The following NEK4 variants were observed in gnomAD, a reference collection of about 807,000 sequenced individuals.
NEK4 encodes the protein NIMA related kinase 4.
A neutral mutation model predicts 98.4 loss-of-function variants in NEK4; 86 were observed. That is an observed-to-expected ratio of 0.87 (90% CI 0.73 to 1.05). The LOEUF (loss-of-function observed/expected upper bound fraction) is 1.05, where lower values mean the gene tolerates loss of function less well. NEK4 is among the 50% of genes least tolerant of loss of function. The pLI is 0.00. For missense variants in NEK4, 898 were observed against 950.3 expected, an observed-to-expected ratio of 0.94 and a Z score of 0.72; for synonymous variants, 328 against 342.2, an observed-to-expected ratio of 0.96 and a Z score of 0.46.
chr3:52,743,464 GA>G lies in NEK4; in HGVS notation c.1895-4del. The G allele has an allele frequency of 6.2e-7, 1 of 1,612,274 alleles. No individual in the cohort carries two copies. ...AGACGCTTTCCTCACTGAAGGGCCTGAAAAGGCAAACATCCCCAGTAGTTGT... is the reference window on the plus strand; with the variant it reads ...AGACGCTTTCCTCACTGAAGGGCCTGAAAGGCAAACATCCCCAGTAGTTGT... On this transcript the variant is annotated splice_polypyrimidine_tract_variant and splice_region_variant and intron_variant, in intron 11 of 15. Coordinates refer to ENST00000233027, the MANE Select transcript of NEK4 (RefSeq NM_003157.6).
intron 5 of NEK4, among the ~76,000 whole-genome samples, chr3:52,761,440 G>A (rs184877715): frequency 7.2e-5 from 11 of 152,080 alleles, no homozygotes; most frequent in African/African-American, 1.9e-4. Flanking sequence ...CACCACGCCC[G>A]GCTAATTTTT....
In NEK4 at chr3:52,717,425, T is replaced by A. The variant is rs1007503746; in HGVS notation, c.2434-5556A>T. 2.2e-3 allele frequency among the ~76,000 whole-genome samples: 328 copies of A among 146,678 alleles called. 1 individual carries two copies. The highest frequency in any genetic ancestry group is 7.8e-3 in the African/African-American group (304 of 39,000). Reference sequence around the variant, plus strand: ...CCATCTCAAAAAAAAAAAAAAAAAATTATGGGGCCCCAAATCACCTCTTCC... The same window carrying A: ...CCATCTCAAAAAAAAAAAAAAAAAAATATGGGGCCCCAAATCACCTCTTCC... On this transcript the variant is annotated intron_variant, in intron 15 of 15. Coordinates refer to ENST00000233027, the MANE Select transcript of NEK4 (RefSeq NM_003157.6).
chr3:52,769,370 A>T (rs1698697912), intron 1 of NEK4, among the ~76,000 whole-genome samples: 1 of 152,232 alleles, frequency 6.6e-6, no homozygotes, highest in Non-Finnish European at 1.5e-5. Flanking sequence ...CCATAAGTTT[A>T]ATAGTCACTG....
At chr3:52,755,608 C>T (rs560991230) in intron 6 of NEK4, among the ~76,000 whole-genome samples, 6 of 152,132 alleles carry the variant, frequency 3.9e-5, no homozygotes, top group Admixed American at 3.3e-4. Context: ...AGACTGAAAG[C>T]TTTTCCTCTA....
At chr3:52,734,926 G>C in intron 15 of NEK4, 1 of 221,608 alleles carries the variant, frequency 4.5e-6, no homozygotes, top group Non-Finnish European at 9.1e-6. Context: ...AAGGGGTAAT[G>C]GAAACATTCT....
In NEK4 at chr3:52,765,360, A is replaced by C. The variant is rs368329907; in HGVS notation, c.666+527T>G. Among the ~76,000 whole-genome samples the C allele has an allele frequency of 8.2e-4, 124 of 152,076 alleles. 2 individuals carry two copies. The highest frequency in any genetic ancestry group is 2.9e-3 in the African/African-American group (121 of 41,520). ...GAGCAAAACTCCATCTCAAAAAAAA[A>C]AAAACAAAAAAAAAAACCTTAATGA... On this transcript the variant is annotated intron_variant, in intron 4 of 15. Coordinates refer to ENST00000233027, the MANE Select transcript of NEK4 (RefSeq NM_003157.6).
At chr3:52,750,233 T>C (rs933594283) in intron 7 of NEK4, among the ~76,000 whole-genome samples, 1 of 152,086 alleles carries the variant, frequency 6.6e-6, no homozygotes. Context: ...CAAATGTACA[T>C]CAACTGATGA....
intron 6 of NEK4, among the ~76,000 whole-genome samples, chr3:52,758,943 A>G (rs1445087629): frequency 6.6e-6 from 1 of 152,060 alleles, no homozygotes. Flanking sequence ...CATAATAATT[A>G]GCCAGGTATG....
intron 15 of NEK4, among the ~76,000 whole-genome samples, chr3:52,729,944 C>A (rs2097368039): frequency 6.6e-6 from 1 of 151,656 alleles, no homozygotes; most frequent in South Asian, 2.1e-4. Flanking sequence ...CCCATCTCTA[C>A]TAAAAATGCA....
chr3:52,711,146 C>G lies in NEK4; in HGVS notation c.*631G>C, dbSNP rs913290281. The G allele has an allele frequency of 5.9e-5, 9 of 152,362 alleles. No homozygotes were observed. Among genetic ancestry groups the G allele is most frequent in the African/African-American group, 2.2e-4 (9 of 41,400 alleles). 9.4% of individuals were successfully genotyped at this position (152,362 alleles called of 1,614,324 possible). ...GTAAAAACATACTGATTTACAAAGC[C>G]AATGTGTCTCAGTTTTAATTTGTAT... On this transcript the variant is annotated 3_prime_UTR_variant, in exon 16 of 16. Coordinates refer to ENST00000233027, the MANE Select transcript of NEK4 (RefSeq NM_003157.6).
chr3:52,750,195 C>G (rs1430134453), intron 7 of NEK4, among the ~76,000 whole-genome samples: 1 of 152,158 alleles, frequency 6.6e-6, no homozygotes, highest in African/African-American at 2.4e-5. Flanking sequence ...TCTTAGAAAA[C>G]AAAAGTACCT....
At position 52,770,643 on chromosome 3, in the gene NEK4, C is replaced by T. The variant is rs1407098672; in HGVS notation, c.93+11G>A. ...CGCCCCCGCCCCTTGCCGGGCCCCACCCCTGCAGACCTGCTTGCCGTCCCG... is the reference window on the plus strand; with the variant it reads ...CGCCCCCGCCCCTTGCCGGGCCCCATCCCTGCAGACCTGCTTGCCGTCCCG... On this transcript the variant is annotated intron_variant, in intron 1 of 15. Coordinates refer to ENST00000233027, the MANE Select transcript of NEK4 (RefSeq NM_003157.6). The T allele has an allele frequency of 4.5e-6, 7 of 1,544,314 alleles. No homozygotes were observed. The highest frequency in any genetic ancestry group is 6.1e-6 in the Non-Finnish European group (7 of 1,143,170).
intron 15 of NEK4, chr3:52,733,345 T>C (rs2097371761): frequency 2.7e-6 from 1 of 370,008 alleles, no homozygotes; most frequent in Admixed American, 3.3e-5. Flanking sequence ...AAAGAATTCA[T>C]CCTGGAGAGA....
chr3:52,765,159 T>C (rs1698506418), intron 4 of NEK4, among the ~76,000 whole-genome samples: 3 of 152,142 alleles, frequency 2.0e-5, no homozygotes, highest in South Asian at 2.1e-4. Context: ...GAGACCATCC[T>C]GGCCAACATG....
At chr3:52,734,821 C>T in intron 15 of NEK4, 1 of 306,022 alleles carries the variant, frequency 3.3e-6, no homozygotes, top group Non-Finnish European at 6.4e-6. Flanking sequence ...GGGAGCCTCT[C>T]ATTCAGCAAG....
rs1247435317 is a variant in NEK4, at chr3:52,710,931, A to T, written c.*846T>A. 1 of 152,630 alleles carries T rather than the reference A, an allele frequency of 6.6e-6. No individual in the cohort carries two copies. Among genetic ancestry groups the T allele is most frequent in the African/African-American group, 2.4e-5 (1 of 41,462 alleles). 9.5% of individuals were successfully genotyped at this position (152,630 alleles called of 1,614,324 possible). ...CTAATAAAATATGTGCTATATAATCATACATTTAAAACATGGAAAGACAAC... is the reference window on the plus strand; with the variant it reads ...CTAATAAAATATGTGCTATATAATCTTACATTTAAAACATGGAAAGACAAC... On this transcript the variant is annotated 3_prime_UTR_variant, in exon 16 of 16. Coordinates refer to ENST00000233027, the MANE Select transcript of NEK4 (RefSeq NM_003157.6).
At chr3:52,730,870 G>A (rs1234542068) in intron 15 of NEK4, among the ~76,000 whole-genome samples, 1 of 152,160 alleles carries the variant, frequency 6.6e-6, no homozygotes, top group Non-Finnish European at 1.5e-5. Context: ...GTGGTTGCCA[G>A]GGGCTGGTGG....
In NEK4 at chr3:52,768,536, G is replaced by C; in HGVS notation, c.162C>G (p.Ala54=). 6.2e-7 allele frequency: 1 copy of C among 1,614,190 alleles called. No homozygotes were observed. The highest frequency in any genetic ancestry group is 8.5e-7 in the Non-Finnish European group (1 of 1,180,006). The change falls in exon 2 of 16, where the codon GCC becomes GCG. Residue 54 remains alanine, a synonymous_variant. Coordinates refer to ENST00000233027, the MANE Select transcript of NEK4 (RefSeq NM_003157.6). The stretch of plus-strand genomic sequence containing the variant: ...GATGCTTCAACTGAGACAAGAGCTG[G>C]GCTTCCTGTTCAGCAGCTCGCCGCT... ...SRERRAAEQE[A]QLLSQLKHPN...
intron 15 of NEK4, among the ~76,000 whole-genome samples, chr3:52,727,901 AG>A (rs1233955701): frequency 2.0e-5 from 3 of 152,326 alleles, no homozygotes; most frequent in South Asian, 2.1e-4. Flanking sequence ...AGCAGTGCTA[AG>A]GGGGGAATTT....
Sources: allele counts gnomAD v4.1 joint callset (sites outside exome capture counted in the v4.1 genomes callset), GRCh38; gene constraint gnomAD v4.1.1; transcripts MANE v1.5; gene names NCBI Gene and HGNC (gene_info 2026-07-23, HGNC 2026-07-21).